The following ASIC4 variants were observed in gnomAD, a reference collection of about 807,000 sequenced individuals.
ASIC4 encodes acid sensing ion channel subunit family member 4, also known as acid-sensing ion channel 4.
A neutral mutation model predicts 53.4 loss-of-function variants in ASIC4; 28 were observed. The ratio of observed to expected loss-of-function variants is 0.52; its 90% CI spans 0.39 to 0.72. The LOEUF is 0.72. Ranked by LOEUF, ASIC4 falls within the 30% of genes least tolerant of loss-of-function variation. The pLI is 0.00. For missense variants in ASIC4, 649 were observed against 729.7 expected (o/e 0.89, Z 1.27); for synonymous variants, 289 against 301.4 (o/e 0.96, Z 0.43).
At chr2:219,513,423 C>T (rs569686625), upstream of ASIC4, among the ~76,000 whole-genome samples, 6 of 152,006 alleles carry the variant, frequency 3.9e-5, no homozygotes, top group Admixed American at 6.6e-5. Context: ...TTCCCCTCCA[C>T]GAGAACACAG....
chr2:219,525,908 AG>A (rs1694955229), intron 1 of ASIC4, among the ~76,000 whole-genome samples: 1 of 152,240 alleles, frequency 6.6e-6, no homozygotes, highest in African/African-American at 2.4e-5. Flanking sequence ...ATACCATGGA[AG>A]AATGTCAGGG....
chr2:219,515,165 G>C lies in ASIC4; in HGVS notation c.441G>C (p.Arg147=), dbSNP rs1437274168. Residue 147 remains arginine, a synonymous_variant, in exon 1 of 10, where the codon CGG becomes CGC. Coordinates refer to ENST00000358078, the MANE Select transcript of ASIC4 (RefSeq NM_018674.6). ...TGACAGGGCTGCCCCCCAAAGACCG[G>C]GATGGGCACCGTGCGGCTGGCCTGC... ...ANLTGLPPKD[R]DGHRAAGLRY... is the part of the protein sequence containing the mutation. 1 of 1,614,058 alleles carries C rather than the reference G, an allele frequency of 6.2e-7. No individual in the cohort carries two copies. Among genetic ancestry groups the C allele is most frequent in the Admixed American group, 1.7e-5 (1 of 60,008 alleles).
In ASIC4 at chr2:219,517,181, G is replaced by T; in HGVS notation, c.582+1875G>T. The T allele has an allele frequency of 6.6e-6, 1 of 152,592 alleles. No homozygotes were observed. The allele number at this position is 152,592 out of a possible 1,614,324, so 9.5% of individuals were successfully genotyped here. The stretch of plus-strand genomic sequence containing the variant: ...GAGCTGGAGGGGGTGAGGAAGTAAG[G>T]GGAGGGAGGCAGAGGGTTCTGCTTG... On this transcript the variant is annotated intron_variant, in intron 1 of 9. Transcript: ENST00000358078. The surrounding 1 kb of genome is among the most constrained non-coding windows in gnomAD (Gnocchi z 4.2).
At chr2:219,527,527 C>T (rs1694979376) in intron 1 of ASIC4, among the ~76,000 whole-genome samples, 1 of 152,152 alleles carries the variant, frequency 6.6e-6, no homozygotes, top group South Asian at 2.1e-4. Context: ...TGCCCCAGCC[C>T]CTCCGAGAGT....
At chr2:219,529,779 T>G (rs2125665226) in intron 1 of ASIC4, among the ~76,000 whole-genome samples, 1 of 152,322 alleles carries the variant, frequency 6.6e-6, no homozygotes, top group South Asian at 2.1e-4. Context: ...CACTGTGTTC[T>G]GTAAACTCAG....
At chr2:219,510,304 C>T (rs1298126551), upstream of ASIC4, among the ~76,000 whole-genome samples, 1 of 152,018 alleles carries the variant, frequency 6.6e-6, no homozygotes, top group African/African-American at 2.4e-5. This position sits in a 1 kb window ranked among gnomAD's most constrained non-coding sequence, Gnocchi z 5.2. Context: ...CTGCAAAGCC[C>T]TCTCCCCCTC....
At chr2:219,530,337 G>C (rs1396313192) in intron 1 of ASIC4, among the ~76,000 whole-genome samples, 1 of 152,262 alleles carries the variant, frequency 6.6e-6, no homozygotes, top group Non-Finnish European at 1.5e-5. Flanking sequence ...CCATCTCCGG[G>C]GCGCCAGCGC....
In ASIC4 at chr2:219,538,390, T is replaced by C. The variant is rs1241525019; in HGVS notation, c.*344T>C. 1 of 34,286 alleles carries C rather than the reference T, an allele frequency of 2.9e-5. No individual in the cohort carries two copies. The highest frequency in any genetic ancestry group is 1.2e-4 in the African/African-American group (1 of 8,014). The allele number at this position is 34,286 out of a possible 1,614,324, so 2.1% of individuals were successfully genotyped here. A position where few individuals can be genotyped will look rare whatever the true frequency, so the allele number is the denominator to read the frequency against. ...TTGTAAATATTTAGGGAAAGCCGGG[T>C]GGGGGGAGGGGATACAGATGTAGAA... On this transcript the variant is annotated 3_prime_UTR_variant, in exon 10 of 10. Coordinates refer to ENST00000358078, the MANE Select transcript of ASIC4 (RefSeq NM_018674.6).
Position 219,537,548 on chromosome 2 carries a change from T to C in ASIC4, c.1402-84T>C. On this transcript the variant is annotated intron_variant, in intron 8 of 9. Transcript: ENST00000358078. This position sits in a 1 kb window ranked among gnomAD's most constrained non-coding sequence, Gnocchi z 4.9. The stretch of plus-strand genomic sequence containing the variant: ...GAGTTTGCTGTGGCAGTAAGTCCTG[T>C]GGGCAGCTGGGCATGGTAAGGCTCA... 2 of 1,259,326 alleles carry C rather than the reference T, an allele frequency of 1.6e-6. No individual in the cohort carries two copies. Among genetic ancestry groups the C allele is most frequent in the Non-Finnish European group, 2.2e-6 (2 of 894,732 alleles). The allele number at this position is 1,259,326 out of a possible 1,614,324, so 78.0% of individuals were successfully genotyped here.
chr2:219,526,164 C>T (rs1220509128), intron 1 of ASIC4, among the ~76,000 whole-genome samples: 4 of 151,962 alleles, frequency 2.6e-5, no homozygotes, highest in Admixed American at 1.3e-4. Flanking sequence ...TCTGGAGAAA[C>T]GGAAGCTGTG....
intron 1 of ASIC4, among the ~76,000 whole-genome samples, chr2:219,524,592 C>T (rs1694936346): frequency 6.6e-6 from 1 of 152,246 alleles, no homozygotes; most frequent in Non-Finnish European, 1.5e-5. Context: ...TGTCTTTCCT[C>T]ATAACACCTT....
chr2:219,526,855 C>T (rs937013363), intron 1 of ASIC4, among the ~76,000 whole-genome samples: 1 of 152,100 alleles, frequency 6.6e-6, no homozygotes, highest in African/African-American at 2.4e-5. Context: ...GGGCCAGGAG[C>T]GTGGACCTGG....
intron 1 of ASIC4, among the ~76,000 whole-genome samples, chr2:219,524,273 C>G (rs1374735828): frequency 6.6e-6 from 1 of 152,218 alleles, no homozygotes. Flanking sequence ...TAGTGTTGGA[C>G]AAAGTAAGTG....
Position 219,538,230 on chromosome 2 carries a change from C to T in ASIC4, c.*184C>T, listed in dbSNP as rs1224642236. ...TGCACAAAGGTCCTTCTTGTCCACACCCCTTATCCCCAGGCTGGTGCCCCG... is the reference window on the plus strand; with the variant it reads ...TGCACAAAGGTCCTTCTTGTCCACATCCCTTATCCCCAGGCTGGTGCCCCG... On this transcript the variant is annotated 3_prime_UTR_variant, in exon 10 of 10. Transcript: ENST00000358078. 12 of 608,634 alleles carry T rather than the reference C, an allele frequency of 2.0e-5. No homozygotes were observed. The East Asian group carries it at 3.4e-4, about 17-fold the overall frequency. The allele number at this position is 608,634 out of a possible 1,614,324, so 37.7% of individuals were successfully genotyped here.
At chr2:219,512,345 A>G (rs947688670), upstream of ASIC4, among the ~76,000 whole-genome samples, 3 of 152,122 alleles carry the variant, frequency 2.0e-5, no homozygotes. Flanking sequence ...ATGGTGGGTG[A>G]ATTTAGAGAT....
rs1337203373 is a variant in ASIC4, at chr2:219,518,573, C to T, written c.582+3267C>T. On this transcript the variant is annotated intron_variant, in intron 1 of 9. Transcript: ENST00000358078. The surrounding 1 kb of genome is among the most constrained non-coding windows in gnomAD (Gnocchi z 4.8). ...TACCATCTCACTCCCGCCCATTCTA[C>T]CACCTGTATGTCCCCCACCCCCAGC... is the stretch of plus-strand genomic sequence containing the variant. 6.6e-6 allele frequency among the ~76,000 whole-genome samples: 1 copy of T among 152,034 alleles called. No individual in the cohort carries two copies. The highest frequency in any genetic ancestry group is 1.5e-5 in the Non-Finnish European group (1 of 68,010).
At chr2:219,533,175 G>T in intron 5 of ASIC4, 1 of 584,424 alleles carries the variant, frequency 1.7e-6, no homozygotes, top group South Asian at 2.0e-5. Flanking sequence ...AGCCAGGACT[G>T]GGAGTGAAGG....
At chr2:219,532,255 G>A (rs1415335372) in intron 3 of ASIC4, 60 bp from the exon 4 acceptor site, 2 of 1,597,452 alleles carry the variant, frequency 1.3e-6, no homozygotes, top group Non-Finnish European at 1.7e-6. Context: ...CTGGGGCTGT[G>A]GGCACTGGAG....
intron 1 of ASIC4, among the ~76,000 whole-genome samples, chr2:219,522,670 C>G (rs1221541248): frequency 6.6e-6 from 1 of 152,082 alleles, no homozygotes; most frequent in Non-Finnish European, 1.5e-5. Context: ...TTGGCCGCTT[C>G]AGGCCCGCCA....
Sources: gnomAD v4.1 joint callset for allele counts (sites outside exome capture counted in the v4.1 genomes callset) on GRCh38, gnomAD v4.1.1 for gene constraint, Gnocchi (gnomAD v3.1) non-coding constraint, MANE v1.5 for transcripts, NCBI Gene and HGNC (gene_info 2026-07-23, HGNC 2026-07-21) for gene names.